The following ZNF577 variants were observed in gnomAD, a reference collection of about 807,000 sequenced individuals.
The protein encoded by ZNF577 is zinc finger protein 577.
In ZNF577, 14 loss-of-function variants were observed where a neutral mutation model predicts 13.9. That is an observed-to-expected ratio of 1.00 (90% CI 0.66 to 1.57). The LOEUF (loss-of-function observed/expected upper bound fraction) is 1.57, where lower values mean the gene tolerates loss of function less well. Ranked by LOEUF, ZNF577 falls within the 40% of genes most tolerant of loss-of-function variation. The probability of loss-of-function intolerance (pLI) is 0.00; values close to 1 mark genes in which losing one functional copy is unlikely to be tolerated. For synonymous variants in ZNF577, 203 were observed against 202.9 expected (o/e 1.00, Z 0.00); for missense variants, 555 against 579.2 (o/e 0.96, Z 0.43).
chr19:51,855,213 C>T (rs981109658), intron 5 of ZNF577, among the ~76,000 whole-genome samples: 2 of 152,160 alleles, frequency 1.3e-5, no homozygotes, highest in East Asian at 1.9e-4. Flanking sequence ...TTTATTGTTG[C>T]GATTGTTGTT....
intron 5 of ZNF577, among the ~76,000 whole-genome samples, chr19:51,874,176 A>AT (rs2084717327): frequency 6.6e-6 from 1 of 152,208 alleles, no homozygotes; most frequent in African/African-American, 2.4e-5. Context: ...TTGCAACTGG[A>AT]ATAAATCAAA....
Position 51,871,182 on chromosome 19 carries a change from C to T in ZNF577, c.*1350G>A, listed in dbSNP as rs1365401770. On this transcript the variant is annotated 3_prime_UTR_variant, in exon 6 of 6. Transcript: ENST00000638348. ...GCAGTGGCATGATCATAGCTCACTGCAGTCACTGCAGCCTAGAACTCCTGG... is the reference window on the plus strand; with the variant it reads ...GCAGTGGCATGATCATAGCTCACTGTAGTCACTGCAGCCTAGAACTCCTGG... The T allele has an allele frequency of 6.6e-6, 1 of 152,172 alleles. No homozygotes were observed. Among genetic ancestry groups the T allele is most frequent in the African/African-American group, 2.4e-5 (1 of 41,422 alleles). The allele number at this position is 152,172 out of a possible 1,614,324, so 9.4% of individuals were successfully genotyped here. A position where few individuals can be genotyped will look rare whatever the true frequency, so the allele number is the denominator to read the frequency against.
At chr19:51,829,931 G>A (rs1312025242) in intron 9 of ZNF577, among the ~76,000 whole-genome samples, 2 of 152,178 alleles carry the variant, frequency 1.3e-5, no homozygotes, top group Non-Finnish European at 2.9e-5. Context: ...CAAGGCCAGT[G>A]CAAATGGAGC....
rs929378888 is a variant in ZNF577 at position 51,887,775 on chromosome 19, G to GA, written c.-1174dup. ...GGACCTCACGCGCTAGCGAACAACA[G>GA]AAAAAAAAAAGCGCGCTCTCCCTGC... On this transcript the variant is annotated 5_prime_UTR_variant, in exon 1 of 6. An upstream open reading frame in the 5' UTR gains an earlier in-frame stop. Transcript: ENST00000638348. The GA allele has an allele frequency of 1.8e-3, 267 of 147,732 alleles. 1 individual carries two copies. In the Middle Eastern group the frequency reaches 0.028, roughly 15 times the overall value. The allele number at this position is 147,732 out of a possible 1,614,324, so 9.2% of individuals were successfully genotyped here. A position where few individuals can be genotyped will look rare whatever the true frequency, so the allele number is the denominator to read the frequency against.
At chr19:51,876,892 C>T (rs1240994283) in intron 5 of ZNF577, among the ~76,000 whole-genome samples, 2 of 150,056 alleles carry the variant, frequency 1.3e-5, no homozygotes, top group East Asian at 3.9e-4. Flanking sequence ...CACATCACTG[C>T]ACTCCAGCCC....
intron 10 of ZNF577, among the ~76,000 whole-genome samples, chr19:51,805,577 C>T (rs2084053058): frequency 1.3e-5 from 2 of 152,326 alleles, no homozygotes; most frequent in Admixed American, 6.5e-5. Context: ...AGCGCAATTG[C>T]CGCTGCAACT....
chr19:51,857,369 AG>A (rs2084438224), intron 5 of ZNF577, among the ~76,000 whole-genome samples: 1 of 61,710 alleles, frequency 1.6e-5, no homozygotes, highest in African/African-American at 8.1e-5. Context: ...AAGGAAGGAA[AG>A]AAAGAAAGAA....
intron 6 of ZNF577, among the ~76,000 whole-genome samples, chr19:51,843,841 C>A (rs10153485): frequency 0.071 from 10,787 of 152,046 alleles, 595 homozygotes; most frequent in South Asian, 0.23. Context: ...ATTAGTAGTG[C>A]GTTCTAAAGG....
intron 10 of ZNF577, among the ~76,000 whole-genome samples, chr19:51,808,582 A>G (rs960759066): frequency 2.0e-5 from 3 of 152,212 alleles, no homozygotes; most frequent in Admixed American, 6.6e-5. Flanking sequence ...TGATAATGAG[A>G]AACAGGTTCT....
At chr19:51,833,117 T>C (rs2084268747) in intron 9 of ZNF577, among the ~76,000 whole-genome samples, 1 of 152,228 alleles carries the variant, frequency 6.6e-6, no homozygotes, top group Admixed American at 6.5e-5. Context: ...TGCAGTACTC[T>C]CTTATTCAGT....
chr19:51,847,904 A>AGT (rs1441792972), intron 5 of ZNF577, among the ~76,000 whole-genome samples: 5 of 152,102 alleles, frequency 3.3e-5, no homozygotes, highest in Non-Finnish European at 7.4e-5. Context: ...CAGCTATTAT[A>AGT]CAAACTCAGT....
At chr19:51,835,220 AG>A (rs996231496) in intron 9 of ZNF577, among the ~76,000 whole-genome samples, 2 of 152,174 alleles carry the variant, frequency 1.3e-5, no homozygotes, top group Admixed American at 6.5e-5. Flanking sequence ...GAATGAAAAA[AG>A]GAACATTATT....
At position 51,872,871 on chromosome 19, in the gene ZNF577, C is replaced by G; in HGVS notation, c.1119G>C (p.Glu373Asp). ...FAHMSVLIKH[E>D]KTHIRETAIN... ...TGGCTGTCTCTCTTATGTGAGTTTTCTCATGTTTAATGAGGACTGACATGT... is the reference window on the plus strand; with the variant it reads ...TGGCTGTCTCTCTTATGTGAGTTTTGTCATGTTTAATGAGGACTGACATGT... Residue 373 changes from glutamate (E) to aspartate (D), a missense_variant, in exon 6 of 6, where the codon GAG (glutamate) becomes GAC (aspartate). Glu to Asp is a conservative substitution (Grantham distance 45). Coordinates refer to ENST00000638348, the MANE Select transcript of ZNF577 (RefSeq NM_001370449.1). 1 of 1,614,178 alleles carries G rather than the reference C, an allele frequency of 6.2e-7. No individual in the cohort carries two copies. The highest frequency in any genetic ancestry group is 8.5e-7 in the Non-Finnish European group (1 of 1,180,028).
chr19:51,878,831 T>C (rs2084811088), intron 3 of ZNF577: 2 of 231,456 alleles, frequency 8.6e-6, no homozygotes, highest in African/African-American at 2.2e-5. Flanking sequence ...TGCTATAATA[T>C]ACTGCAAAAA....
intron 5 of ZNF577, among the ~76,000 whole-genome samples, chr19:51,877,034 G>T (rs1488573672): frequency 2.0e-5 from 3 of 152,028 alleles, no homozygotes; most frequent in South Asian, 2.1e-4. Context: ...AATGGAACCA[G>T]GTAAGAATTC....
chr19:51,820,881 T>C (rs2084183169), intron 9 of ZNF577, among the ~76,000 whole-genome samples: 1 of 152,250 alleles, frequency 6.6e-6, no homozygotes, highest in Non-Finnish European at 1.5e-5. Context: ...GTGTGCTCAG[T>C]GCTCACACAG....
rs1471656214 is a variant in ZNF577 at position 51,887,503 on chromosome 19, A to T, written c.-901T>A. 3 of 152,338 alleles carry T rather than the reference A, an allele frequency of 2.0e-5. No individual in the cohort carries two copies. The East Asian group carries it at 5.8e-4, about 29-fold the overall frequency. 9.4% of individuals were successfully genotyped at this position (152,338 alleles called of 1,614,324 possible). Reference sequence around the variant, plus strand: ...TCTACAGAATATACAGCAGCAGGGAAGCAAGGGGACCAGCAGACCCCTTTT... The same window carrying T: ...TCTACAGAATATACAGCAGCAGGGATGCAAGGGGACCAGCAGACCCCTTTT... On this transcript the variant is annotated 5_prime_UTR_variant, in exon 1 of 6. Transcript: ENST00000638348.
At chr19:51,883,489 T>C (rs1371335926) in intron 1 of ZNF577, among the ~76,000 whole-genome samples, 1 of 152,150 alleles carries the variant, frequency 6.6e-6, no homozygotes, top group East Asian at 1.9e-4. Context: ...TTTAATTAAG[T>C]GAGTAGTTCA....
intron 1 of ZNF577, among the ~76,000 whole-genome samples, chr19:51,885,207 G>A (rs1311348126): frequency 6.6e-6 from 1 of 152,164 alleles, no homozygotes; most frequent in Non-Finnish European, 1.5e-5. Context: ...TGTTTTATCA[G>A]AACACAGCCA....
Sources: allele counts gnomAD v4.1 joint callset (sites outside exome capture counted in the v4.1 genomes callset), GRCh38; gene constraint gnomAD v4.1.1; transcripts MANE v1.5; gene names NCBI Gene and HGNC (gene_info 2026-07-23, HGNC 2026-07-21).